SLC5A10: variants seen among roughly 807,000 people sequenced by gnomAD.
The protein encoded by SLC5A10 is sodium/mannose cotransporter SLC5A10.
SLC5A10 carries 55 observed loss-of-function variants against 68.9 expected under a neutral mutation model. The ratio of observed to expected loss-of-function variants is 0.80; its 90% CI spans 0.64 to 1.00. The LOEUF is 1.00. SLC5A10 is among the 50% of genes least tolerant of loss of function. The pLI is 0.00. For synonymous variants in SLC5A10, 344 were observed against 344.8 expected, an observed-to-expected ratio of 1.00 and a Z score of 0.02; for missense variants, 732 against 819.3, an observed-to-expected ratio of 0.89 and a Z score of 1.30.
intron 8 of SLC5A10, chr17:18,976,463 A>C: frequency 1.1e-5 from 2 of 174,002 alleles, no homozygotes; most frequent in Non-Finnish European, 2.4e-5. Flanking sequence ...TGCTCCTGGC[A>C]CTATAAATGT....
chr17:18,990,201 C>T (rs77322846), intron 9 of SLC5A10, among the ~76,000 whole-genome samples: 1 of 152,134 alleles, frequency 6.6e-6, no homozygotes, highest in African/African-American at 2.4e-5. Flanking sequence ...TAAGAGGGAG[C>T]TCACTCCCTG....
chr17:19,009,457 ACAATCCTC>A (rs1428437338), intron 9 of SLC5A10, among the ~76,000 whole-genome samples: 1 of 151,976 alleles, frequency 6.6e-6, no homozygotes, highest in Non-Finnish European at 1.5e-5. Context: ...CTGGCCTCAA[ACAATCCTC>A]CTGCCTCGGC....
intron 9 of SLC5A10, among the ~76,000 whole-genome samples, chr17:19,012,227 T>C (rs1407631834): frequency 6.6e-6 from 1 of 152,234 alleles, no homozygotes; most frequent in Non-Finnish European, 1.5e-5. Context: ...CCACGACTGC[T>C]AACACCAGCA....
intron 9 of SLC5A10, among the ~76,000 whole-genome samples, chr17:18,989,433 C>T (rs891715411): frequency 1.3e-5 from 2 of 148,198 alleles, no homozygotes; most frequent in African/African-American, 2.6e-5. Flanking sequence ...CATCTGGGCT[C>T]CTCCTGGGCC....
chr17:18,969,601 G>A, intron 7 of SLC5A10, 179 bp downstream of exon 7: 1 of 588,794 alleles, frequency 1.7e-6, no homozygotes, highest in Non-Finnish European at 3.0e-6. Flanking sequence ...GCCCCTCAGG[G>A]ACTGCCCTGG....
intron 7 of SLC5A10, 41 bp downstream of exon 7, chr17:18,969,463 A>G (rs2042784392): frequency 6.3e-7 from 1 of 1,584,452 alleles, no homozygotes. Context: ...CTGTCCCCAC[A>G]GCGAGCCCTT....
intron 9 of SLC5A10, among the ~76,000 whole-genome samples, chr17:18,980,360 C>A (rs989475256): frequency 3.3e-5 from 5 of 152,124 alleles, no homozygotes; most frequent in Admixed American, 3.3e-4. Flanking sequence ...CACTGTTTGG[C>A]CCAGGAGCAG....
rs36006919 is a variant in SLC5A10, at chr17:19,007,193, ATTT to A, written c.983-6202_983-6200del. On this transcript the variant is annotated intron_variant, in intron 9 of 14. Transcript: ENST00000395645. ...CTTGCCAACATGTGGTGTTACCGCT[ATTT>A]TTTTTTTTTTTTTTGGCCATTCTGA... Among the ~76,000 whole-genome samples, 81 of 133,672 alleles carry A rather than the reference ATTT, an allele frequency of 6.1e-4. 1 individual carries two copies. Among genetic ancestry groups the A allele is most frequent in the Middle Eastern group, 3.9e-3 (1 of 256 alleles). 87.7% of individuals were successfully genotyped at this position (133,672 alleles called of 152,430 possible).
At chr17:18,980,714 G>C (rs2081613175) in intron 9 of SLC5A10, among the ~76,000 whole-genome samples, 1 of 152,158 alleles carries the variant, frequency 6.6e-6, no homozygotes, top group Admixed American at 6.5e-5. Flanking sequence ...GTCGAGGATG[G>C]CCAAGGGCAT....
intron 9 of SLC5A10, among the ~76,000 whole-genome samples, chr17:18,989,684 G>T (rs568367312): frequency 5.7e-4 from 87 of 152,332 alleles, no homozygotes; most frequent in African/African-American, 1.5e-3. Context: ...ATGCCCGTTT[G>T]CTGCCTTTCT....
chr17:18,970,116 A>C (rs893302853), intron 7 of SLC5A10: 1 of 152,254 alleles, frequency 6.6e-6, no homozygotes, highest in Non-Finnish European at 1.5e-5. Flanking sequence ...CTCGGTCTGA[A>C]TACAGAGCCT....
chr17:18,971,617 C>A lies in SLC5A10; in HGVS notation c.846+399C>A. ...TGGCCTGCCAGTGGTGGGGGCCAGC[C>A]ATGGCTGGGCCAGCGTTTCTGGTAG... is the stretch of plus-strand genomic sequence containing the variant. On this transcript the variant is annotated intron_variant, in intron 8 of 14. Transcript: ENST00000395645. The surrounding 1 kb of genome is among the most constrained non-coding windows in gnomAD (Gnocchi z 5.5). 1 of 1,613,430 alleles carries A rather than the reference C, an allele frequency of 6.2e-7. No homozygotes were observed. The highest frequency in any genetic ancestry group is 2.2e-5 in the East Asian group (1 of 44,864).
At chr17:19,020,035 T>C in intron 13 of SLC5A10, 107 bp downstream of exon 13, 1 of 1,430,464 alleles carries the variant, frequency 7.0e-7, no homozygotes, top group Non-Finnish European at 9.6e-7. Context: ...CTGGACTACC[T>C]AGCCCCGTCC....
intron 9 of SLC5A10, among the ~76,000 whole-genome samples, chr17:18,983,155 A>C (rs1234069092): frequency 6.6e-6 from 1 of 152,168 alleles, no homozygotes; most frequent in Non-Finnish European, 1.5e-5. Context: ...TGACCTGCCC[A>C]CTGTCTCCCA....
rs747472551 is a variant in SLC5A10 at position 18,988,206 on chromosome 17, C to T, written c.982+11217C>T. 6 of 1,596,238 alleles carry T rather than the reference C, an allele frequency of 3.8e-6. No individual in the cohort carries two copies. In the South Asian group the frequency reaches 5.5e-5, roughly 15 times the overall value. On this transcript the variant is annotated intron_variant, in intron 9 of 14. Transcript: ENST00000395645. ...GTGTTTGTTGACAGACTGAATGACCCCTGCCCTCCAGCCACCCAGGCAAGT... is the reference window on the plus strand; with the variant it reads ...GTGTTTGTTGACAGACTGAATGACCTCTGCCCTCCAGCCACCCAGGCAAGT...
At chr17:18,988,241 G>C in intron 9 of SLC5A10, 1 of 1,606,100 alleles carries the variant, frequency 6.2e-7, no homozygotes, top group Non-Finnish European at 8.5e-7. Context: ...TGAGGAGCCT[G>C]CTCACCTTGA....
Position 18,996,260 on chromosome 17 carries a change from T to TCCCTCCTCCAGCTGCAACC in SLC5A10, c.983-17137_983-17119dup, listed in dbSNP as rs2043569762. Among the ~76,000 whole-genome samples the TCCCTCCTCCAGCTGCAACC allele has an allele frequency of 6.6e-6, 1 of 151,910 alleles. No individual in the cohort carries two copies. The highest frequency in any genetic ancestry group is 1.5e-5 in the Non-Finnish European group (1 of 67,968). ...GAATTCATTACCAGCAGACCCGCAC[T>TCCCTCCTCCAGCTGCAACC]CCCTCCTCCAGCTGCAACCCCCTCC... is the stretch of plus-strand genomic sequence containing the variant. On this transcript the variant is annotated intron_variant, in intron 9 of 14. Transcript: ENST00000395645. This position sits in a 1 kb window ranked among gnomAD's most constrained non-coding sequence, Gnocchi z 4.4.
At chr17:18,970,302 C>G (rs878867895) in intron 7 of SLC5A10, 1 of 152,812 alleles carries the variant, frequency 6.5e-6, no homozygotes, top group African/African-American at 2.4e-5. Flanking sequence ...TGGGACCCAC[C>G]GCATGAGAGG....
At chr17:18,963,096 G>A (rs1191535799) in intron 5 of SLC5A10, among the ~76,000 whole-genome samples, 1 of 152,188 alleles carries the variant, frequency 6.6e-6, no homozygotes, top group Non-Finnish European at 1.5e-5. Flanking sequence ...GCATGCGCCT[G>A]TAGCTACTCA....
Sources: gnomAD v4.1 joint callset for allele counts (sites outside exome capture counted in the v4.1 genomes callset) on GRCh38, gnomAD v4.1.1 for gene constraint, Gnocchi (gnomAD v3.1) non-coding constraint, MANE v1.5 for transcripts, NCBI Gene and HGNC (gene_info 2026-07-23, HGNC 2026-07-21) for gene names.